Variants in GRM7 observed in about 807,000 individuals in gnomAD.
GRM7 encodes metabotropic glutamate receptor 7.
A neutral mutation model predicts 84.5 loss-of-function variants in GRM7; 35 were observed. That is an observed-to-expected ratio of 0.41 (90% CI 0.32 to 0.55). The LOEUF (loss-of-function observed/expected upper bound fraction) is 0.55. Ranked by LOEUF, GRM7 falls within the 20% of genes least tolerant of loss-of-function variation. GRM7 has a pLI of 0.19. For synonymous variants in GRM7, 487 were observed against 455.1 expected (o/e 1.07, Z -0.89); for missense variants, 1,003 against 1,194.6 (o/e 0.84, Z 2.36).
chr3:7,614,471 G>A (rs1398796125), intron 8 of GRM7, among the ~76,000 whole-genome samples: 3 of 152,094 alleles, frequency 2.0e-5, no homozygotes, highest in African/African-American at 7.2e-5. Flanking sequence ...AAATGGCCAA[G>A]TTCAAGAAGA....
intron 3 of GRM7, 31 bp downstream of exon 3, chr3:7,298,856 G>A: frequency 5.7e-6 from 9 of 1,586,462 alleles, no homozygotes; most frequent in Non-Finnish European, 7.8e-6. Flanking sequence ...TTGTTAATAT[G>A]CATGTTGCAA....
intron 2 of GRM7, among the ~76,000 whole-genome samples, chr3:7,230,580 C>T (rs140927055): frequency 3.3e-5 from 5 of 152,204 alleles, no homozygotes; most frequent in Admixed American, 2.6e-4. Context: ...ATTCCTTCAA[C>T]GTCAAAGAGA....
chr3:7,249,512 T>C (rs1176876008), intron 2 of GRM7, among the ~76,000 whole-genome samples: 1 of 152,176 alleles, frequency 6.6e-6, no homozygotes, highest in Non-Finnish European at 1.5e-5. Flanking sequence ...TATTAAAAAC[T>C]ATAGTGGTAT....
chr3:7,707,718 A>G (rs1487100089), intron 9 of GRM7, among the ~76,000 whole-genome samples: 1 of 152,174 alleles, frequency 6.6e-6, no homozygotes, highest in Non-Finnish European at 1.5e-5. Flanking sequence ...AGCCCCAGGA[A>G]CTAGTCTACT....
intron 2 of GRM7, among the ~76,000 whole-genome samples, chr3:7,193,245 G>C (rs1383181273): frequency 6.6e-6 from 1 of 152,094 alleles, no homozygotes; most frequent in Non-Finnish European, 1.5e-5. Context: ...CAGTGAACTA[G>C]AAAAACACCA....
chr3:7,710,707 T>C (rs1701551010), intron 9 of GRM7, among the ~76,000 whole-genome samples: 1 of 152,192 alleles, frequency 6.6e-6, no homozygotes, highest in South Asian at 2.1e-4. Context: ...TGCTGGGCTC[T>C]TTCCTTCACT....
intron 9 of GRM7, chr3:7,686,462 CTAATTCT>C (rs1700589542): frequency 8.8e-7 from 1 of 1,140,854 alleles, no homozygotes; most frequent in Non-Finnish European, 1.3e-6. Flanking sequence ...AGAAAACAAT[CTAATTCT>C]TATTTATTTA....
At chr3:7,083,790 G>C (rs1335545836) in intron 1 of GRM7, among the ~76,000 whole-genome samples, 2 of 152,124 alleles carry the variant, frequency 1.3e-5, no homozygotes, top group Non-Finnish European at 2.9e-5. Context: ...TTCTCTGTGA[G>C]TGCTACGACG....
chr3:6,888,881 A>G (rs1282714199), intron 1 of GRM7, among the ~76,000 whole-genome samples: 1 of 152,148 alleles, frequency 6.6e-6, no homozygotes, highest in Non-Finnish European at 1.5e-5. Context: ...ATGTTCTTCT[A>G]TTTGTTTGTA....
At chr3:7,346,767 C>G (rs1241075200) in intron 4 of GRM7, among the ~76,000 whole-genome samples, 3 of 152,066 alleles carry the variant, frequency 2.0e-5, no homozygotes, top group Admixed American at 2.0e-4. Flanking sequence ...TTTACCAATT[C>G]TTTGTGATCT....
chr3:7,054,795 T>A (rs1461504699), intron 1 of GRM7, among the ~76,000 whole-genome samples: 2 of 151,864 alleles, frequency 1.3e-5, no homozygotes, highest in African/African-American at 2.4e-5. Flanking sequence ...GCAAAGCTAC[T>A]GTTTTCTGTC....
chr3:7,220,155 A>G (rs1465739960), intron 2 of GRM7, among the ~76,000 whole-genome samples: 1 of 152,200 alleles, frequency 6.6e-6, no homozygotes, highest in Non-Finnish European at 1.5e-5. Flanking sequence ...TTCTCTCACA[A>G]AGTTACAGCA....
At chr3:7,100,051 T>A (rs1699058370) in intron 1 of GRM7, among the ~76,000 whole-genome samples, 1 of 150,060 alleles carries the variant, frequency 6.7e-6, no homozygotes, top group Non-Finnish European at 1.5e-5. Flanking sequence ...ATATTACATA[T>A]AATATATATG....
intron 2 of GRM7, among the ~76,000 whole-genome samples, chr3:7,177,576 G>A (rs73124140): frequency 0.016 from 2,477 of 150,576 alleles, 79 homozygotes; most frequent in African/African-American, 0.058. Context: ...GAAGGAAGGC[G>A]GGCGACAGAG....
At chr3:7,685,010 T>A (rs960484525) in intron 9 of GRM7, among the ~76,000 whole-genome samples, 1 of 152,082 alleles carries the variant, frequency 6.6e-6, no homozygotes, top group South Asian at 2.1e-4. Flanking sequence ...CCCACCTGCA[T>A]CCTGAATTTG....
chr3:7,151,784 T>C lies in GRM7; in HGVS notation c.736+5116T>C, dbSNP rs1180336955. Among the ~76,000 whole-genome samples the C allele has an allele frequency of 6.6e-6, 1 of 152,168 alleles. No homozygotes were observed. The highest frequency in any genetic ancestry group is 2.4e-5 in the African/African-American group (1 of 41,454). ...AATACTACATCCTAGATCTGCTTGC[T>C]GTGGTTTAGTACAGTTGCTTTCACT... On this transcript the variant is annotated intron_variant, in intron 2 of 9. Transcript: ENST00000357716. This position sits in a 1 kb window ranked among gnomAD's most constrained non-coding sequence, Gnocchi z 4.5.
chr3:7,287,105 A>G (rs368065954), intron 2 of GRM7, among the ~76,000 whole-genome samples: 12 of 152,266 alleles, frequency 7.9e-5, no homozygotes, highest in East Asian at 5.8e-4. Flanking sequence ...ATAGATAGAG[A>G]TAAAGAAAGC....
chr3:6,945,260 T>G (rs1276025466), intron 1 of GRM7, among the ~76,000 whole-genome samples: 1 of 149,628 alleles, frequency 6.7e-6, no homozygotes, highest in African/African-American at 2.5e-5. Flanking sequence ...CCCCTTCCTG[T>G]GTCCATGTGT....
intron 9 of GRM7, among the ~76,000 whole-genome samples, chr3:7,689,940 T>C (rs1332116194): frequency 6.6e-6 from 1 of 152,066 alleles, no homozygotes; most frequent in African/African-American, 2.4e-5. Context: ...GACTCAAAGG[T>C]GACAAGGGCT....
Sources: gnomAD v4.1 joint callset for allele counts (sites outside exome capture counted in the v4.1 genomes callset) on GRCh38, gnomAD v4.1.1 for gene constraint, Gnocchi (gnomAD v3.1) non-coding constraint, MANE v1.5 for transcripts, NCBI Gene and HGNC (gene_info 2026-07-23, HGNC 2026-07-21) for gene names.